Variants in STX2 observed in about 807,000 individuals in gnomAD.
The protein encoded by STX2 is syntaxin-2.
A neutral mutation model predicts 40.6 loss-of-function variants in STX2; 27 were observed. The ratio of observed to expected loss-of-function variants is 0.66; its 90% CI spans 0.49 to 0.92. STX2 has a LOEUF of 0.92. Ranked by LOEUF, STX2 falls within the 40% of genes least tolerant of loss-of-function variation. The pLI is 0.00. For missense variants in STX2, 328 were observed against 366.1 expected (o/e 0.90, Z 0.85); for synonymous variants, 123 against 119.1 (o/e 1.03, Z -0.22).
chr12:130,837,231 GC>G (rs1952780575), intron 1 of STX2, among the ~76,000 whole-genome samples: 1 of 151,652 alleles, frequency 6.6e-6, no homozygotes, highest in African/African-American at 2.4e-5. Flanking sequence ...TCCTAGCTTA[GC>G]CTCCTGAGTA....
At chr12:130,820,613 C>T (rs1952074359) in intron 3 of STX2, among the ~76,000 whole-genome samples, 2 of 152,036 alleles carry the variant, frequency 1.3e-5, no homozygotes, top group Admixed American at 1.3e-4. Flanking sequence ...TTGCAGTGAG[C>T]CGAGACTGTG....
At chr12:130,808,019 CAG>C (rs1951506771) in intron 5 of STX2, among the ~76,000 whole-genome samples, 1 of 152,200 alleles carries the variant, frequency 6.6e-6, no homozygotes, top group African/African-American at 2.4e-5. Context: ...AACTCTAAAA[CAG>C]AGTTCTGCAG....
chr12:130,808,440 G>C (rs1196495483), intron 5 of STX2, among the ~76,000 whole-genome samples, 191 bp downstream of exon 5: 1 of 152,010 alleles, frequency 6.6e-6, no homozygotes, highest in East Asian at 1.9e-4. Context: ...TTCTCCAAGT[G>C]TGTCCTCAAC....
chr12:130,790,756 G>A lies in STX2; in HGVS notation c.*1267C>T, dbSNP rs1041164034. The stretch of plus-strand genomic sequence containing the variant: ...CGTCTTAAATTCAGACTTCATTCAT[G>A]TAAACTGGGAAACTCGAATCTCCTA... On this transcript the variant is annotated 3_prime_UTR_variant, in exon 11 of 11. Transcript: ENST00000392373. The A allele has an allele frequency of 3.3e-5, 5 of 152,432 alleles. No homozygotes were observed. The highest frequency in any genetic ancestry group is 1.2e-4 in the African/African-American group (5 of 41,428). The allele number at this position is 152,432 out of a possible 1,614,324, so 9.4% of individuals were successfully genotyped here.
At position 130,801,502 on chromosome 12, in the gene STX2, A is replaced by G. The variant is rs1164836534; in HGVS notation, c.464-14T>C. 5 of 1,593,866 alleles carry G rather than the reference A, an allele frequency of 3.1e-6. No homozygotes were observed. The highest frequency in any genetic ancestry group is 4.3e-6 in the Non-Finnish European group (5 of 1,171,070). On this transcript the variant is annotated splice_polypyrimidine_tract_variant and intron_variant, in intron 6 of 10. Coordinates refer to ENST00000392373, the MANE Select transcript of STX2 (RefSeq NM_194356.4). The stretch of plus-strand genomic sequence containing the variant: ...TGGTTCTCCCAGCTGAAAGACCCGC[A>G]ACCACAGCCCCACTCAGAATGCAGC...
chr12:130,797,147 G>T (rs547789162), intron 9 of STX2, among the ~76,000 whole-genome samples: 1 of 152,308 alleles, frequency 6.6e-6, no homozygotes, highest in African/African-American at 2.4e-5. Flanking sequence ...ACAGAGCCAG[G>T]CTTGCTCATC....
At chr12:130,815,071 TAAAAAAGGAAAGAAAAAGAAA>T (rs1951809990) in intron 3 of STX2, among the ~76,000 whole-genome samples, 1 of 151,978 alleles carries the variant, frequency 6.6e-6, no homozygotes, top group Non-Finnish European at 1.5e-5. Flanking sequence ...CATCTCTATT[TAAAAAAGGAAAGAAAAAGAAA>T]AAACAAAGAA....
intron 3 of STX2, among the ~76,000 whole-genome samples, chr12:130,817,350 A>C (rs1951897936): frequency 6.6e-6 from 1 of 152,218 alleles, no homozygotes; most frequent in South Asian, 2.1e-4. Context: ...CCTGACCTGA[A>C]AGACAATCGC....
intron 5 of STX2, among the ~76,000 whole-genome samples, 190 bp from the exon 6 acceptor site, chr12:130,807,280 T>C (rs1241674891): frequency 6.6e-6 from 1 of 151,766 alleles, no homozygotes; most frequent in Admixed American, 6.5e-5. Flanking sequence ...ACCTAATTTT[T>C]ACAAGACCCC....
Position 130,791,749 on chromosome 12 carries a change from G to T in STX2, c.*274C>A, listed in dbSNP as rs572067186. The T allele has an allele frequency of 4.6e-5, 31 of 674,068 alleles. No individual in the cohort carries two copies. Among genetic ancestry groups the T allele is most frequent in the Non-Finnish European group, 7.5e-5 (29 of 386,886 alleles). 41.8% of individuals were successfully genotyped at this position (674,068 alleles called of 1,614,324 possible). A position where few individuals can be genotyped will look rare whatever the true frequency, so the allele number is the denominator to read the frequency against. ...GCGCTGTCACTGAACAAGACGTTCG[G>T]TTGTGCTTCTTCCGTGAACTCATAC... is the stretch of plus-strand genomic sequence containing the variant. On this transcript the variant is annotated 3_prime_UTR_variant, in exon 11 of 11. Transcript: ENST00000392373.
rs567394017 is a variant in STX2, at chr12:130,793,735, G to A, written c.*46-1758C>T. Among the ~76,000 whole-genome samples, 7 of 152,304 alleles carry A rather than the reference G, an allele frequency of 4.6e-5. No homozygotes were observed. The East Asian group carries it at 9.7e-4, about 21-fold the overall frequency. ...AAGCAGCCCATCCCACCCATGCTCC[G>A]GGGTGACAGGCCTGCACCTGGCACA... On this transcript the variant is annotated intron_variant, in intron 10 of 10. Coordinates refer to ENST00000392373, the MANE Select transcript of STX2 (RefSeq NM_194356.4).
At chr12:130,818,740 C>G (rs1471833217) in intron 3 of STX2, among the ~76,000 whole-genome samples, 1 of 152,204 alleles carries the variant, frequency 6.6e-6, no homozygotes, top group African/African-American at 2.4e-5. Context: ...GCTGAGGGAA[C>G]AGGAAGCAGA....
chr12:130,816,354 C>T (rs1038823661), intron 3 of STX2, among the ~76,000 whole-genome samples: 3 of 152,162 alleles, frequency 2.0e-5, no homozygotes, highest in Non-Finnish European at 2.9e-5. Flanking sequence ...AGCCCTTGGC[C>T]GTTACACAGC....
chr12:130,804,467 C>G (rs10161065), intron 6 of STX2, among the ~76,000 whole-genome samples: 9,679 of 152,256 alleles, frequency 0.064, 408 homozygotes, highest in Non-Finnish European at 0.093. Context: ...GCTCATCCAG[C>G]CTGACCAGTG....
intron 4 of STX2, 125 bp from the exon 5 acceptor site, chr12:130,808,829 T>G: frequency 1.2e-6 from 1 of 809,690 alleles, no homozygotes; most frequent in Non-Finnish European, 2.0e-6. Context: ...AATGAACAAG[T>G]GACCTTCTAA....
chr12:130,817,686 AC>A (rs1234957203), intron 3 of STX2, among the ~76,000 whole-genome samples: 1 of 152,036 alleles, frequency 6.6e-6, no homozygotes, highest in African/African-American at 2.4e-5. Flanking sequence ...AAGACCAAAA[AC>A]CAAATATCTT....
chr12:130,798,198 G>T (rs2137018313), intron 9 of STX2, among the ~76,000 whole-genome samples: 1 of 143,122 alleles, frequency 7.0e-6, no homozygotes, highest in African/African-American at 2.6e-5. Context: ...AGTGAGCCAA[G>T]ATCACTCCAT....
intron 9 of STX2, among the ~76,000 whole-genome samples, chr12:130,797,539 G>A (rs1951069293): frequency 6.6e-6 from 1 of 152,174 alleles, no homozygotes; most frequent in African/African-American, 2.4e-5. Context: ...TGCAGCCCGG[G>A]GGTGCGTCTC....
At chr12:130,803,065 C>T (rs1009697764) in intron 6 of STX2, among the ~76,000 whole-genome samples, 3 of 152,098 alleles carry the variant, frequency 2.0e-5, no homozygotes, top group Non-Finnish European at 2.9e-5. Context: ...ATTGTATGCT[C>T]CAAATATCAT....
Sources: gnomAD v4.1 joint callset for allele counts (sites outside exome capture counted in the v4.1 genomes callset) on GRCh38, gnomAD v4.1.1 for gene constraint, MANE v1.5 for transcripts, NCBI Gene and HGNC (gene_info 2026-07-23, HGNC 2026-07-21) for gene names.